ESRRG: variants seen among roughly 807,000 people sequenced by gnomAD.
The protein encoded by ESRRG is estrogen-related receptor gamma.
Under a neutral mutation model 44.0 loss-of-function variants are expected in ESRRG, and 13 were observed. The observed-to-expected ratio is 0.30, with a 90% confidence interval of 0.19 to 0.47. The LOEUF is 0.47. ESRRG is among the 20% of genes least tolerant of loss of function. ESRRG has a pLI of 1.00. For synonymous variants in ESRRG, 215 were observed against 214.6 expected (o/e 1.00, Z -0.02); for missense variants, 395 against 580.6 (o/e 0.68, Z 3.29).
intron 1 of ESRRG, among the ~76,000 whole-genome samples, chr1:217,067,024 A>T (rs1220350488): frequency 6.6e-6 from 1 of 152,262 alleles, no homozygotes; most frequent in Non-Finnish European, 1.5e-5. Flanking sequence ...AGGAACAGTG[A>T]GATGCTTGGC....
intron 2 of ESRRG, among the ~76,000 whole-genome samples, chr1:216,894,637 C>T (rs893177860): frequency 6.6e-6 from 1 of 151,870 alleles, no homozygotes; most frequent in Non-Finnish European, 1.5e-5. Flanking sequence ...GAACAAAAGA[C>T]GAGGGAGCTG....
intron 3 of ESRRG, among the ~76,000 whole-genome samples, chr1:216,614,661 T>G (rs1164405346): frequency 6.6e-6 from 1 of 152,208 alleles, no homozygotes; most frequent in Non-Finnish European, 1.5e-5. Context: ...TCAGTTCTAG[T>G]GCAGGGGGAA....
At chr1:216,692,109 T>C (rs376025914) in intron 1 of ESRRG, among the ~76,000 whole-genome samples, 1 of 152,190 alleles carries the variant, frequency 6.6e-6, no homozygotes, top group African/African-American at 2.4e-5. Flanking sequence ...CTTCTACTTA[T>C]TAAAAAATTT....
Position 216,818,663 on chromosome 1 carries a change from T to C in ESRRG, c.-14+120919A>G, listed in dbSNP as rs569403212. On this transcript the variant is annotated intron_variant, in intron 2 of 7. Transcript: ENST00000359162. The stretch of plus-strand genomic sequence containing the variant: ...ATGTGCAGGATATGCAGGTTTGTTA[T>C]ATAGACAAATGTGTGCCATGGTGGT... Among the ~76,000 whole-genome samples, 936 of 152,208 alleles carry C rather than the reference T, an allele frequency of 6.1e-3. 12 individuals are homozygous for C. The highest frequency in any genetic ancestry group is 0.021 in the African/African-American group (863 of 41,536).
At chr1:216,584,950 A>C (rs2063491417) in intron 3 of ESRRG, among the ~76,000 whole-genome samples, 1 of 152,254 alleles carries the variant, frequency 6.6e-6, no homozygotes, top group Admixed American at 6.5e-5. Flanking sequence ...CAGATGCCAT[A>C]GGGCCAAAGT....
chr1:216,937,647 G>T (rs573872384), intron 2 of ESRRG, among the ~76,000 whole-genome samples: 1 of 152,126 alleles, frequency 6.6e-6, no homozygotes, highest in Non-Finnish European at 1.5e-5. Flanking sequence ...GGGGAGGAAG[G>T]GGGGAAGAAA....
chr1:216,773,860 GT>G (rs1279460126), intron 2 of ESRRG, among the ~76,000 whole-genome samples: 15 of 152,026 alleles, frequency 9.9e-5, no homozygotes, highest in Non-Finnish European at 1.8e-4. Flanking sequence ...TGGGTTCCTT[GT>G]CATAGATAAC....
intron 1 of ESRRG, among the ~76,000 whole-genome samples, chr1:216,948,608 CT>C (rs1250154929): frequency 6.6e-6 from 1 of 151,772 alleles, no homozygotes; most frequent in Non-Finnish European, 1.5e-5. Context: ...TATGTACCCC[CT>C]CTCCCCCCAT....
chr1:217,026,295 G>A (rs186563647), intron 1 of ESRRG, among the ~76,000 whole-genome samples: 3 of 152,254 alleles, frequency 2.0e-5, no homozygotes, highest in Admixed American at 1.3e-4. Flanking sequence ...TCCCCTTTAA[G>A]GAAAAGGAAG....
At chr1:216,722,805 C>A (rs2086640856) in intron 1 of ESRRG, among the ~76,000 whole-genome samples, 1 of 152,146 alleles carries the variant, frequency 6.6e-6, no homozygotes, top group African/African-American at 2.4e-5. Flanking sequence ...TAAGAAATGA[C>A]AAGGAGCTGA....
intron 2 of ESRRG, among the ~76,000 whole-genome samples, chr1:216,659,648 T>A (rs2071728861): frequency 6.6e-6 from 1 of 152,316 alleles, no homozygotes; most frequent in South Asian, 2.1e-4. Flanking sequence ...GAAAGCAGCA[T>A]CCTTTCCTAT....
intron 1 of ESRRG, among the ~76,000 whole-genome samples, chr1:217,129,247 A>G (rs1333976488): frequency 1.3e-5 from 2 of 152,260 alleles, no homozygotes; most frequent in South Asian, 2.1e-4. Flanking sequence ...TATACTTGGC[A>G]TCATTAGTTA....
chr1:216,902,432 T>C (rs1257261795), intron 2 of ESRRG, among the ~76,000 whole-genome samples: 2 of 149,252 alleles, frequency 1.3e-5, no homozygotes, highest in East Asian at 2.0e-4. Flanking sequence ...GAGGTTGCAG[T>C]GAGCCAGATC....
At chr1:217,081,512 C>T (rs1388000490) in intron 1 of ESRRG, among the ~76,000 whole-genome samples, 3 of 152,076 alleles carry the variant, frequency 2.0e-5, no homozygotes, top group Non-Finnish European at 4.4e-5. Context: ...CAGGTGTGAG[C>T]CGCCGTGCCA....
chr1:216,746,076 TAAC>T (rs1188418117), intron 2 of ESRRG, among the ~76,000 whole-genome samples: 3 of 152,194 alleles, frequency 2.0e-5, no homozygotes, highest in African/African-American at 7.2e-5. Flanking sequence ...GTAAAAATAA[TAAC>T]AGCCTTCTTT....
intron 2 of ESRRG, among the ~76,000 whole-genome samples, chr1:216,910,211 AACAC>A (rs568786905): frequency 6.6e-6 from 1 of 150,654 alleles, no homozygotes; most frequent in African/African-American, 2.4e-5. Context: ...GTTTGGCTGA[AACAC>A]ACACACACAC....
At chr1:217,011,536 A>G (rs2078614319) in intron 1 of ESRRG, among the ~76,000 whole-genome samples, 2 of 152,354 alleles carry the variant, frequency 1.3e-5, no homozygotes, top group African/African-American at 2.4e-5. Context: ...GGCTGCCTAC[A>G]TGCAAAGCAT....
intron 2 of ESRRG, among the ~76,000 whole-genome samples, chr1:216,672,187 C>T (rs1477318191): frequency 6.6e-6 from 1 of 152,192 alleles, no homozygotes; most frequent in Non-Finnish European, 1.5e-5. Context: ...CGTGAAATCA[C>T]TGCTGCCACT....
chr1:216,616,621 A>G (rs1211010426), intron 3 of ESRRG, among the ~76,000 whole-genome samples: 3 of 152,084 alleles, frequency 2.0e-5, no homozygotes, highest in Non-Finnish European at 4.4e-5. Context: ...ACTTTTTGTG[A>G]GTTCTGTCTG....
Sources: allele counts gnomAD v4.1 joint callset (sites outside exome capture counted in the v4.1 genomes callset), GRCh38; gene constraint gnomAD v4.1.1; transcripts MANE v1.5; gene names NCBI Gene and HGNC (gene_info 2026-07-23, HGNC 2026-07-21).